Variants in HSP90AA1 observed in about 807,000 individuals in gnomAD.
The protein encoded by HSP90AA1 is heat shock protein 90 alpha family class A member 1, also known as heat shock protein HSP 90-alpha.
Under a neutral mutation model 73.3 loss-of-function variants are expected in HSP90AA1, and 18 were observed. The observed-to-expected ratio is 0.25, with a 90% confidence interval of 0.17 to 0.36. The LOEUF is 0.36. Ranked by LOEUF, HSP90AA1 falls within the 10% of genes least tolerant of loss-of-function variation. The pLI is 1.00. For synonymous variants in HSP90AA1, 477 were observed against 296.9 expected (o/e 1.61, Z -6.24); for missense variants, 704 against 874.2 (o/e 0.81, Z 2.45).
At chr14:102,110,927 A>G (rs995212495) in intron 1 of HSP90AA1, among the ~76,000 whole-genome samples, 4 of 152,046 alleles carry the variant, frequency 2.6e-5, no homozygotes, top group Non-Finnish European at 5.9e-5. Context: ...CACGTTGGCC[A>G]GGCTGGTCTC....
At chr14:102,086,653 C>G (rs1046835692) in intron 1 of HSP90AA1, among the ~76,000 whole-genome samples, 1 of 151,042 alleles carries the variant, frequency 6.6e-6, no homozygotes, top group African/African-American at 2.4e-5. Context: ...CCCGCGCGGG[C>G]TGCGGCTCCG....
At chr14:102,110,054 C>T (rs1288697650) in intron 1 of HSP90AA1, among the ~76,000 whole-genome samples, 1 of 152,252 alleles carries the variant, frequency 6.6e-6, no homozygotes, top group East Asian at 1.9e-4. Flanking sequence ...CTGCCTCAGC[C>T]TCCTGAGTAG....
intron 1 of HSP90AA1, among the ~76,000 whole-genome samples, chr14:102,111,190 G>A (rs2049637123): frequency 6.6e-6 from 1 of 152,216 alleles, no homozygotes; most frequent in Admixed American, 6.5e-5. Context: ...TGGGAAAAAT[G>A]TCTCCTGGGC....
At chr14:102,139,337 G>A (rs1440602864) in exon 1 of HSP90AA1, 1 of 1,613,104 alleles carries the variant, frequency 6.2e-7, no homozygotes. Flanking sequence ...ACTCTGGGCG[G>A]GACAGTCCCT....
chr14:102,139,407 G>C lies in HSP90AA1; in HGVS notation c.-3C>G, dbSNP rs747975238. ...TCCCCGCCCGAACACGGGGGCATCC[G>C]CGCTCCCCGTAGGGTACCCCGCGTG... On this transcript the variant is annotated 5_prime_UTR_variant, in exon 1 of 12. Coordinates refer to the HSP90AA1 transcript ENST00000334701. The C allele has an allele frequency of 2.2e-5, 35 of 1,557,438 alleles. No homozygotes were observed. In the Admixed American group the frequency reaches 5.5e-4, roughly 25 times the overall value.
intron 1 of HSP90AA1, among the ~76,000 whole-genome samples, chr14:102,123,075 T>C (rs2049799468): frequency 6.6e-6 from 1 of 152,172 alleles, no homozygotes. Flanking sequence ...TTGGCCTGAA[T>C]TCAACTTACA....
rs1555362073 is a variant in HSP90AA1, at chr14:102,086,164, C to T, written c.163-40G>A. ...TATTAATTTAAGCATACAGCACCCCCAAGAAGTTCACACTGAAACCAAAAT... is the reference window on the plus strand; with the variant it reads ...TATTAATTTAAGCATACAGCACCCCTAAGAAGTTCACACTGAAACCAAAAT... On this transcript the variant is annotated intron_variant, in intron 2 of 10. Transcript: ENST00000216281. The T allele has an allele frequency of 1.4e-5, 23 of 1,614,130 alleles. No individual in the cohort carries two copies. In the Middle Eastern group the frequency reaches 4.9e-4, roughly 35 times the overall value.
chr14:102,081,064 T>TA lies in HSP90AA1; in HGVS notation c.*647dup, dbSNP rs2049086671. The TA allele has an allele frequency of 8.8e-6, 2 of 228,352 alleles. No individual in the cohort carries two copies. The highest frequency in any genetic ancestry group is 1.7e-5 in the Non-Finnish European group (2 of 115,124). The allele number at this position is 228,352 out of a possible 1,614,324, so 14.1% of individuals were successfully genotyped here. On this transcript the variant is annotated 3_prime_UTR_variant, in exon 11 of 11. Coordinates refer to ENST00000216281, the MANE Select transcript of HSP90AA1 (RefSeq NM_005348.4). ...CACACAATATCTTTTAACTCATCTG[T>TA]ATTTGTTACAACTTTAAGCAGAATG...
At chr14:102,110,043 T>G (rs1328319969) in intron 1 of HSP90AA1, among the ~76,000 whole-genome samples, 1 of 151,792 alleles carries the variant, frequency 6.6e-6, no homozygotes, top group African/African-American at 2.4e-5. Flanking sequence ...AAGCGATTCT[T>G]CTGCCTCAGC....
exon 1 of HSP90AA1, chr14:102,139,331 T>C: frequency 1.2e-6 from 2 of 1,613,394 alleles, no homozygotes; most frequent in Non-Finnish European, 8.5e-7. Context: ...TTCAGCACTC[T>C]GGGCGGGACA....
chr14:102,122,561 G>A (rs972688351), intron 1 of HSP90AA1, among the ~76,000 whole-genome samples: 3 of 151,968 alleles, frequency 2.0e-5, no homozygotes, highest in South Asian at 4.2e-4. Context: ...GATTATAGGC[G>A]TGAGCCACTG....
At chr14:102,090,422 C>T (rs922086924), upstream of HSP90AA1, among the ~76,000 whole-genome samples, 7 of 151,866 alleles carry the variant, frequency 4.6e-5, no homozygotes, top group South Asian at 2.1e-4. Context: ...TTCTGTCCAG[C>T]CTCCTCCTCT....
chr14:102,135,631 G>A (rs999945589), intron 1 of HSP90AA1, among the ~76,000 whole-genome samples: 5 of 152,272 alleles, frequency 3.3e-5, no homozygotes, highest in Admixed American at 3.3e-4. Flanking sequence ...CAGGCATGGG[G>A]GCTGCAGGTC....
chr14:102,139,363 C>T, exon 1 of HSP90AA1: 2 of 1,606,928 alleles, frequency 1.2e-6, no homozygotes, highest in South Asian at 2.2e-5. Flanking sequence ...GAAGGGAGGG[C>T]CCAGGAGGGG....
chr14:102,134,768 G>C (rs904433563), intron 1 of HSP90AA1, among the ~76,000 whole-genome samples: 7 of 152,220 alleles, frequency 4.6e-5, no homozygotes, highest in Non-Finnish European at 5.9e-5. Flanking sequence ...AGAGTGAGCA[G>C]TAGCAAGATT....
At chr14:102,123,278 C>T (rs1042703898) in intron 1 of HSP90AA1, among the ~76,000 whole-genome samples, 10 of 151,982 alleles carry the variant, frequency 6.6e-5, no homozygotes, top group Admixed American at 6.6e-4. Context: ...CCCCTGTAAT[C>T]CCAGCTACTT....
Position 102,081,702 on chromosome 14 carries a change from C to A in HSP90AA1, c.*10G>T, listed in dbSNP as rs757476486. 5 of 1,182,578 alleles carry A rather than the reference C, an allele frequency of 4.2e-6. No individual in the cohort carries two copies. The highest frequency in any genetic ancestry group is 1.9e-4 in the Middle Eastern group (1 of 5,220). The allele number at this position is 1,182,578 out of a possible 1,614,324, so 73.3% of individuals were successfully genotyped here. ...AGTACTGAACAGGTAAGTCATCCCTCAGCCAGAGATTAGTCTACTTCTTCC... is the reference window on the plus strand; with the variant it reads ...AGTACTGAACAGGTAAGTCATCCCTAAGCCAGAGATTAGTCTACTTCTTCC... On this transcript the variant is annotated 3_prime_UTR_variant, in exon 11 of 11. Coordinates refer to ENST00000216281, the MANE Select transcript of HSP90AA1 (RefSeq NM_005348.4).
intron 1 of HSP90AA1, among the ~76,000 whole-genome samples, chr14:102,138,019 A>C (rs1368331284): frequency 6.6e-6 from 1 of 152,090 alleles, no homozygotes; most frequent in Admixed American, 6.6e-5. Flanking sequence ...CTAAGAAAAA[A>C]AAAACAAAAC....
At chr14:102,103,064 C>G (rs2049515520) in intron 1 of HSP90AA1, among the ~76,000 whole-genome samples, 1 of 151,616 alleles carries the variant, frequency 6.6e-6, no homozygotes, top group Non-Finnish European at 1.5e-5. Context: ...GCCTGTAATC[C>G]CACCTACTCA....
Sources: allele counts gnomAD v4.1 joint callset (sites outside exome capture counted in the v4.1 genomes callset), GRCh38; gene constraint gnomAD v4.1.1; transcripts MANE v1.5; gene names NCBI Gene and HGNC (gene_info 2026-07-23, HGNC 2026-07-21).